MALRD1: variants seen among roughly 807,000 people sequenced by gnomAD.
MALRD1 encodes MAM and LDL-receptor class A domain-containing protein 1.
MALRD1 carries 247 observed loss-of-function variants against 242.1 expected under a neutral mutation model. The ratio of observed to expected loss-of-function variants is 1.02; its 90% CI spans 0.92 to 1.13. The LOEUF is 1.13. MALRD1 is among the 50% of genes most tolerant of loss of function. MALRD1 has a pLI of 0.00. For synonymous variants in MALRD1, 995 were observed against 866.6 expected (o/e 1.15, Z -2.60); for missense variants, 2,989 against 2,533.1 (o/e 1.18, Z -3.86).
chr10:19,113,824 C>CACACACAG (rs1341997628), intron 5 of MALRD1, among the ~76,000 whole-genome samples: 2 of 147,750 alleles, frequency 1.4e-5, no homozygotes, highest in Non-Finnish European at 3.1e-5. Context: ...CACACACACA[C>CACACACAG]ACACACAGAC....
intron 1 of MALRD1, among the ~76,000 whole-genome samples, chr10:19,049,931 G>C (rs1208747125): frequency 1.3e-5 from 2 of 152,092 alleles, no homozygotes; most frequent in Non-Finnish European, 2.9e-5. Flanking sequence ...ATGGAGACTA[G>C]TGTCATTCTT....
intron 21 of MALRD1, among the ~76,000 whole-genome samples, chr10:19,313,451 A>G (rs955299580): frequency 4.6e-5 from 7 of 151,412 alleles, no homozygotes; most frequent in African/African-American, 1.7e-4. Context: ...TACAAAGATG[A>G]TATTTACTTT....
At chr10:19,682,507 T>A (rs546805546) in intron 36 of MALRD1, among the ~76,000 whole-genome samples, 17 of 152,228 alleles carry the variant, frequency 1.1e-4, no homozygotes, top group Non-Finnish European at 2.1e-4. Flanking sequence ...CTCTTATGCA[T>A]GAATGGAGCG....
intron 5 of MALRD1, 47 bp from the exon 6 acceptor site, chr10:19,123,445 C>T (rs2131379170): frequency 9.2e-7 from 1 of 1,083,910 alleles, no homozygotes; most frequent in East Asian, 3.2e-5. Flanking sequence ...TTGAGTCTTT[C>T]CAGTTGCACC....
At chr10:19,561,495 G>C (rs1835959863) in intron 32 of MALRD1, among the ~76,000 whole-genome samples, 1 of 152,100 alleles carries the variant, frequency 6.6e-6, no homozygotes, top group African/African-American at 2.4e-5. Flanking sequence ...GTGAGCTTTT[G>C]CCTCAAATGA....
chr10:19,298,453 G>T (rs1051709981), intron 21 of MALRD1, among the ~76,000 whole-genome samples: 1 of 151,914 alleles, frequency 6.6e-6, no homozygotes, highest in Non-Finnish European at 1.5e-5. Flanking sequence ...AGACAAGAAG[G>T]ATAGGAAAGG....
intron 23 of MALRD1, among the ~76,000 whole-genome samples, chr10:19,328,583 G>A (rs752671939): frequency 1.3e-5 from 2 of 152,104 alleles, no homozygotes; most frequent in Non-Finnish European, 2.9e-5. Flanking sequence ...ACAATCATGT[G>A]CTTTCTCTGA....
At chr10:19,500,285 A>G (rs987071573) in intron 31 of MALRD1, among the ~76,000 whole-genome samples, 2 of 152,180 alleles carry the variant, frequency 1.3e-5, no homozygotes, top group Non-Finnish European at 2.9e-5. Context: ...TCCCTTAAAA[A>G]CATGAAGTTA....
intron 21 of MALRD1, among the ~76,000 whole-genome samples, chr10:19,311,190 T>A (rs559079823): frequency 2.9e-4 from 44 of 151,604 alleles, no homozygotes; most frequent in African/African-American, 1.0e-3. Context: ...TTAATACTTC[T>A]GTGGATTATT....
chr10:19,586,717 A>T (rs1215210355), intron 33 of MALRD1, among the ~76,000 whole-genome samples: 1 of 152,228 alleles, frequency 6.6e-6, no homozygotes, highest in Non-Finnish European at 1.5e-5. Flanking sequence ...GAGCCTACAG[A>T]GGCCCGCAGG....
chr10:19,483,980 G>A (rs1837133135), intron 29 of MALRD1, among the ~76,000 whole-genome samples: 1 of 152,118 alleles, frequency 6.6e-6, no homozygotes, highest in South Asian at 2.1e-4. Flanking sequence ...CAGCAACATG[G>A]ATGTAGCTGA....
At chr10:19,202,576 T>G (rs1836585985) in intron 14 of MALRD1, among the ~76,000 whole-genome samples, 1 of 152,184 alleles carries the variant, frequency 6.6e-6, no homozygotes, top group African/African-American at 2.4e-5. Context: ...TGATTTAGTT[T>G]ACACTTTTTT....
Position 19,285,330 on chromosome 10 carries a change from G to A in MALRD1, c.3419+2149G>A, listed in dbSNP as rs1215766607. ...TTTTGGACATGAAGTCCTTGCCCACGCCTATATCCTGAATGGTAATGCCTA... is the reference window on the plus strand; with the variant it reads ...TTTTGGACATGAAGTCCTTGCCCACACCTATATCCTGAATGGTAATGCCTA... On this transcript the variant is annotated intron_variant, in intron 21 of 39. Coordinates refer to ENST00000454679, the MANE Select transcript of MALRD1 (RefSeq NM_001142308.3). Among the ~76,000 whole-genome samples, 15 of 138,618 alleles carry A rather than the reference G, an allele frequency of 1.1e-4. 1 individual carries two copies. Among genetic ancestry groups the A allele is most frequent in the East Asian group, 9.0e-4 (4 of 4,436 alleles). The allele number at this position is 138,618 out of a possible 152,430, so 90.9% of individuals were successfully genotyped here.
chr10:19,293,554 A>G (rs1841549684), intron 21 of MALRD1, among the ~76,000 whole-genome samples: 1 of 152,208 alleles, frequency 6.6e-6, no homozygotes, highest in South Asian at 2.1e-4. Flanking sequence ...TTTTATCTGG[A>G]TAATTTTTAA....
intron 18 of MALRD1, among the ~76,000 whole-genome samples, chr10:19,218,652 C>T (rs1306482319): frequency 1.3e-5 from 2 of 152,032 alleles, no homozygotes; most frequent in African/African-American, 4.8e-5. Flanking sequence ...ATTTATTCTA[C>T]AGGTAGAGAA....
At chr10:19,373,235 C>A (rs796606039) in intron 26 of MALRD1, among the ~76,000 whole-genome samples, 1 of 107,662 alleles carries the variant, frequency 9.3e-6, no homozygotes, top group Non-Finnish European at 2.0e-5. Context: ...GGGCCGGGCA[C>A]GGTGGCTCAT....
intron 2 of MALRD1, among the ~76,000 whole-genome samples, chr10:19,069,427 A>T (rs1185406318): frequency 6.6e-6 from 1 of 152,024 alleles, no homozygotes; most frequent in Admixed American, 6.6e-5. Flanking sequence ...TGCTTTAGAC[A>T]GCATTAAAAA....
At chr10:19,062,064 C>T (rs1834837929) in intron 1 of MALRD1, among the ~76,000 whole-genome samples, 1 of 148,310 alleles carries the variant, frequency 6.7e-6, no homozygotes, top group Non-Finnish European at 1.5e-5. Context: ...AGAACGACAG[C>T]TCAACAACAA....
intron 26 of MALRD1, among the ~76,000 whole-genome samples, chr10:19,357,607 G>T (rs1844695113): frequency 6.6e-6 from 1 of 151,782 alleles, no homozygotes; most frequent in Non-Finnish European, 1.5e-5. Flanking sequence ...TCTTATTTTT[G>T]ATGTCTCATG....
Sources: allele counts gnomAD v4.1 joint callset (sites outside exome capture counted in the v4.1 genomes callset), GRCh38; gene constraint gnomAD v4.1.1; transcripts MANE v1.5; gene names NCBI Gene and HGNC (gene_info 2026-07-23, HGNC 2026-07-21).